Variants in FUS observed in about 807,000 individuals in gnomAD.
FUS encodes FUS RNA binding protein, also known as RNA-binding protein FUS.
In FUS, 5 loss-of-function variants were observed where a neutral mutation model predicts 82.7. The ratio of observed to expected loss-of-function variants is 0.06; its 90% CI spans 0.03 to 0.13. The LOEUF (loss-of-function observed/expected upper bound fraction) is 0.13. Among genes scored for constraint, FUS ranks in the 10% least tolerant of loss-of-function variants. The probability of loss-of-function intolerance (pLI) is 1.00; values close to 1 mark genes in which losing one functional copy is unlikely to be tolerated. For missense variants in FUS, 512 were observed against 707.8 expected, an observed-to-expected ratio of 0.72 and a Z score of 3.14; for synonymous variants, 281 against 247.4, an observed-to-expected ratio of 1.14 and a Z score of -1.27.
downstream of FUS, chr16:31,192,732 A>T (rs1361098877): frequency 6.2e-6 from 3 of 480,796 alleles, no homozygotes; most frequent in African/African-American, 5.9e-5. Flanking sequence ...CACCATGCCC[A>T]CCTAGTTTTT....
chr16:31,194,275 C>T (rs986506728), downstream of FUS: 1 of 530,360 alleles, frequency 1.9e-6, no homozygotes, highest in African/African-American at 1.9e-5. Flanking sequence ...TGTCTTCCTT[C>T]CAGTCTCATC....
At chr16:31,191,301 C>T (rs1429757700) in intron 14 of FUS, 98 bp from the exon 15 acceptor site, 63 of 1,528,058 alleles carry the variant, frequency 4.1e-5, no homozygotes, top group Admixed American at 6.8e-5. Flanking sequence ...ATAAGATACT[C>T]GCTGGGTTAG....
At chr16:31,190,574 G>A (rs1012589353) in intron 12 of FUS, 168 bp from the exon 13 acceptor site, 2 of 1,178,138 alleles carry the variant, frequency 1.7e-6, no homozygotes, top group Non-Finnish European at 2.5e-6. Flanking sequence ...GTAATGGATT[G>A]GGTTCAGTAA....
In FUS at chr16:31,184,365, CAGTGGT is replaced by C. The variant is rs1488294034; in HGVS notation, c.493_498del (p.Ser165_Gly166del). ...GACAGCAGAACCAGTACAACAGCAG[CAGTGGT>C]GGTGGAGGTGGAGGTGGAGGTGGAG... On this transcript the variant is annotated inframe_deletion, in exon 5 of 15. Transcript: ENST00000254108. The C allele has an allele frequency of 1.3e-5, 21 of 1,613,634 alleles. 1 individual carries two copies. The highest frequency in any genetic ancestry group is 9.9e-5 in the South Asian group (9 of 91,072).
rs768533068 is a variant in FUS at position 31,186,871 on chromosome 16, C to T, written c.799+35C>T. Reference sequence around the variant, plus strand: ...CAGAGTTTCCAAAATTCCCAACTCCCAGCAATGCTTTGTCTGATTGTTCAT... The same window carrying T: ...CAGAGTTTCCAAAATTCCCAACTCCTAGCAATGCTTTGTCTGATTGTTCAT... On this transcript the variant is annotated intron_variant, in intron 7 of 14. Transcript: ENST00000254108. The T allele has an allele frequency of 1.9e-6, 3 of 1,588,206 alleles. No homozygotes were observed. The South Asian group carries it at 3.3e-5, about 18-fold the overall frequency.
chr16:31,189,839 C>T, intron 10 of FUS, 45 bp downstream of exon 10: 2 of 1,613,084 alleles, frequency 1.2e-6, no homozygotes, highest in African/African-American at 2.7e-5. Flanking sequence ...GGATATAGGG[C>T]AGCAAGCCTT....
intron 5 of FUS, 70 bp from the exon 6 acceptor site, chr16:31,184,869 T>A (rs1318790391): frequency 6.5e-7 from 1 of 1,543,194 alleles, no homozygotes; most frequent in Non-Finnish European, 8.9e-7. Flanking sequence ...GTCAAACCTT[T>A]TCAAACCTTT....
chr16:31,185,839 A>G (rs549091500), intron 6 of FUS: 2 of 275,446 alleles, frequency 7.3e-6, no homozygotes, highest in African/African-American at 2.1e-5. Context: ...AGCTTGTCCA[A>G]CTGGACCTTC....
intron 8 of FUS, chr16:31,188,846 T>C: frequency 1.9e-6 from 1 of 516,102 alleles, no homozygotes; most frequent in South Asian, 2.3e-5. Flanking sequence ...CTGATGGACT[T>C]TTCTGTGTGG....
intron 12 of FUS, 69 bp downstream of exon 12, chr16:31,190,467 A>G: frequency 1.9e-6 from 3 of 1,606,588 alleles, no homozygotes; most frequent in Non-Finnish European, 2.6e-6. Context: ...GTACTGAGGT[A>G]TGTGCGTGTT....
chr16:31,189,934 ATG>A, intron 10 of FUS, 104 bp from the exon 11 acceptor site: 1 of 1,564,492 alleles, frequency 6.4e-7, no homozygotes, highest in South Asian at 1.1e-5. Flanking sequence ...ATTTTTGCTT[ATG>A]TGTCAGCAGA....
At chr16:31,182,220 AC>A in intron 1 of FUS, 177 bp from the exon 2 acceptor site, 1 of 711,384 alleles carries the variant, frequency 1.4e-6, no homozygotes, top group Middle Eastern at 2.4e-4. Context: ...CGAATTCCTG[AC>A]CTCAAGTGAT....
chr16:31,184,433 TTTTTC>T, intron 5 of FUS, 37 bp downstream of exon 5: 1 of 1,535,612 alleles, frequency 6.5e-7, no homozygotes, highest in Non-Finnish European at 8.8e-7. Context: ...GCCCATTTTC[TTTTTC>T]TTTTTTTTTT....
intron 9 of FUS, 31 bp downstream of exon 9, chr16:31,189,257 T>G (rs752638095): frequency 1.8e-5 from 26 of 1,464,966 alleles, no homozygotes; most frequent in Admixed American, 3.3e-5. Flanking sequence ...GAGCTTTCTG[T>G]CAGTGTTGTA....
Position 31,190,107 on chromosome 16 carries a change from T to C in FUS, c.1134T>C (p.Gly378=), listed in dbSNP as rs774019334. 1.2e-6 allele frequency: 2 copies of C among 1,613,778 alleles called. No individual in the cohort carries two copies. Among genetic ancestry groups the C allele is most frequent in the African/African-American group, 2.7e-5 (2 of 74,816 alleles). The change falls in exon 11 of 15, where the codon GGT becomes GGC. Residue 378 remains glycine, a synonymous_variant. Transcript: ENST00000254108. The stretch of plus-strand genomic sequence containing the variant: ...CTCGCCGGGCAGACTTTAATCGGGG[T>C]GGTGGCAATGGTCGTGGAGGCCGAG... ...FATRRADFNR[G]GGNGRGGRGR...
chr16:31,185,383 C>A, intron 6 of FUS: 2 of 642,804 alleles, frequency 3.1e-6, no homozygotes, highest in Admixed American at 2.7e-5. Flanking sequence ...CCCATCCATA[C>A]CACTGAATAG....
At position 31,190,918 on chromosome 16, in the gene FUS, C is replaced by T. The variant is rs377657691; in HGVS notation, c.1394-45C>T. 2.0e-5 allele frequency: 33 copies of T among 1,612,164 alleles called. No individual in the cohort carries two copies. In the Middle Eastern group the frequency reaches 4.9e-4, roughly 24 times the overall value. ...TTTTTCAGCGGGGAGGCTCGGGGAACATAGGGGAATGGGAATATGATAGAT... is the reference window on the plus strand; with the variant it reads ...TTTTTCAGCGGGGAGGCTCGGGGAATATAGGGGAATGGGAATATGATAGAT... On this transcript the variant is annotated intron_variant, in intron 13 of 14. Transcript: ENST00000254108.
chr16:31,189,946 A>G (rs1452279233), intron 10 of FUS, 94 bp from the exon 11 acceptor site: 1 of 1,557,458 alleles, frequency 6.4e-7, no homozygotes, highest in Non-Finnish European at 8.8e-7. Flanking sequence ...GTGTCAGCAG[A>G]TTATAAACCA....
In FUS at chr16:31,185,012, G is replaced by A; in HGVS notation, c.597G>A (p.Gln199=). 6.2e-7 allele frequency: 1 copy of A among 1,613,418 alleles called. No individual in the cohort carries two copies. Among genetic ancestry groups the A allele is most frequent in the Non-Finnish European group, 8.5e-7 (1 of 1,179,766 alleles). ...GTGGCGGTTATGGCAATCAAGACCA[G>A]AGTGGTGGAGGTGGCAGCGGTGGCT... ...GSGGGYGNQD[Q]SGGGGSGGYG... is the part of the protein sequence containing the mutation. Residue 199 remains glutamine (Q), a synonymous_variant, in exon 6 of 15, where the codon CAG becomes CAA. Coordinates refer to ENST00000254108, the MANE Select transcript of FUS (RefSeq NM_004960.4).
Sources: gnomAD v4.1 joint callset for allele counts on GRCh38, gnomAD v4.1.1 for gene constraint, MANE v1.5 for transcripts, NCBI Gene and HGNC (gene_info 2026-07-23, HGNC 2026-07-21) for gene names.